Variants in DNAAF6 observed in about 807,000 individuals in gnomAD.
DNAAF6 encodes dynein axonemal assembly factor 6.
DNAAF6 carries 3 observed loss-of-function variants against 13.7 expected under a neutral mutation model. That is an observed-to-expected ratio of 0.22 (90% CI 0.10 to 0.56). DNAAF6 has a LOEUF of 0.56. Among genes scored for constraint, DNAAF6 ranks in the 20% least tolerant of loss-of-function variants. DNAAF6 has a pLI of 0.92. For synonymous variants in DNAAF6, 54 were observed against 49.2 expected, an observed-to-expected ratio of 1.10 and a Z score of -0.41; for missense variants, 130 against 151.0, an observed-to-expected ratio of 0.86 and a Z score of 0.73.
At chrX:107,222,176 T>C (rs1449767404) in intron 4 of DNAAF6, among the ~76,000 whole-genome samples, 3 of 111,238 alleles carry the variant, frequency 2.7e-5, no homozygotes, top group Non-Finnish European at 1.9e-5. Context: ...GTTTCTATTG[T>C]AGAATTTTAG....
At chrX:107,224,680 C>T (rs1448633554) in intron 5 of DNAAF6, among the ~76,000 whole-genome samples, 1 of 109,285 alleles carries the variant, frequency 9.2e-6, no homozygotes, top group Admixed American at 9.9e-5. Flanking sequence ...TAGTTAGATA[C>T]AATAAACACG....
intron 5 of DNAAF6, among the ~76,000 whole-genome samples, chrX:107,234,620 C>T (rs1928477147): frequency 8.9e-6 from 1 of 112,047 alleles, no homozygotes; most frequent in Non-Finnish European, 1.9e-5. Flanking sequence ...TGGAAATATT[C>T]TTATAATATC....
At chrX:107,242,220 C>CTTT (rs1439102425) in intron 6 of DNAAF6, among the ~76,000 whole-genome samples, 4 of 112,091 alleles carry the variant, frequency 3.6e-5, no homozygotes, top group Admixed American at 2.8e-4. Flanking sequence ...GTAATAAATA[C>CTTT]TTTTAATGAA....
chrX:107,243,675 C>CA lies in DNAAF6; in HGVS notation c.*380dup. The stretch of plus-strand genomic sequence containing the variant: ...ATCCCAGCTACTCTGTCTCAAAAAA[C>CA]AAACAAAAAAAGGAAATATGTTTTC... On this transcript the variant is annotated 3_prime_UTR_variant, in exon 7 of 7. Transcript: ENST00000372453. The CA allele has an allele frequency of 8.7e-6, 1 of 115,556 alleles. No homozygotes were observed. The allele number at this position is 115,556 out of a possible 1,213,427, so 9.5% of individuals were successfully genotyped here. A position where few individuals can be genotyped will look rare whatever the true frequency, so the allele number is the denominator to read the frequency against.
At chrX:107,227,612 A>G (rs894845597) in intron 5 of DNAAF6, among the ~76,000 whole-genome samples, 3 of 110,338 alleles carry the variant, frequency 2.7e-5, no homozygotes, top group Non-Finnish European at 3.8e-5. Context: ...TCCAGGCAGC[A>G]CAGTAAACCT....
At position 107,237,739 on chromosome X, in the gene DNAAF6, G is replaced by C. The variant is rs77616525; in HGVS notation, c.430-1183G>C. On this transcript the variant is annotated intron_variant, in intron 5 of 6. Transcript: ENST00000372453. ...TGGCTTACCCCTGTAATTCCAGCACGTTGGGAGGCTGAGGCGGGCAGATCA... is the reference window on the plus strand; with the variant it reads ...TGGCTTACCCCTGTAATTCCAGCACCTTGGGAGGCTGAGGCGGGCAGATCA... Among the ~76,000 whole-genome samples, 72 of 112,115 alleles carry C rather than the reference G, an allele frequency of 6.4e-4. 1 individual carries two copies. Among genetic ancestry groups the C allele is most frequent in the African/African-American group, 2.3e-3 (70 of 30,922 alleles).
At chrX:107,220,937 TTCTTTCTTTCTTTCTTTCTTTTTCTTTC>T (rs1928116094) in intron 4 of DNAAF6, among the ~76,000 whole-genome samples, 2 of 84,441 alleles carry the variant, frequency 2.4e-5, no homozygotes, top group African/African-American at 1.0e-4. Flanking sequence ...CTTTCTTTCT[TTCTTTCTTTCTTTCTTTCTTTTTCTTTC>T]TTTCTTTCTT....
At chrX:107,219,815 T>TA (rs1928081125) in intron 4 of DNAAF6, among the ~76,000 whole-genome samples, 1 of 109,522 alleles carries the variant, frequency 9.1e-6, no homozygotes, top group African/African-American at 3.3e-5. Context: ...TTTTTTTTTT[T>TA]AGACAGAGTC....
intron 2 of DNAAF6, among the ~76,000 whole-genome samples, chrX:107,213,672 G>T (rs1177490341): frequency 9.0e-6 from 1 of 111,211 alleles, no homozygotes; most frequent in African/African-American, 3.3e-5. Flanking sequence ...CCACTCCAAG[G>T]TTACTGCCAG....
In DNAAF6 at chrX:107,216,569, A is replaced by G. The variant is rs1460779626; in HGVS notation, c.154-102A>G. 6.1e-6 allele frequency: 3 copies of G among 494,780 alleles called. No individual in the cohort carries two copies. In the African/African-American group the frequency reaches 7.4e-5, roughly 12 times the overall value. 40.8% of individuals were successfully genotyped at this position (494,780 alleles called of 1,213,427 possible). ...ATGGGTAATTAAAGTGGAAAGCTCC[A>G]TGAGTTTTTTTATGGAAATCCTATC... On this transcript the variant is annotated intron_variant, in intron 2 of 6. Transcript: ENST00000372453.
At chrX:107,229,284 C>T (rs371322694) in intron 5 of DNAAF6, among the ~76,000 whole-genome samples, 4 of 106,806 alleles carry the variant, frequency 3.7e-5, no homozygotes, top group African/African-American at 1.0e-4. Context: ...ACAACAGGCA[C>T]GCGCCACTAC....
intron 1 of DNAAF6, among the ~76,000 whole-genome samples, chrX:107,210,660 C>T (rs962593509): frequency 1.4e-4 from 15 of 110,362 alleles, no homozygotes; most frequent in African/African-American, 4.9e-4. Flanking sequence ...CTCACGTGAC[C>T]CGTGAGCTCA....
At chrX:107,218,560 A>G (rs1008662260) in intron 3 of DNAAF6, among the ~76,000 whole-genome samples, 2 of 111,022 alleles carry the variant, frequency 1.8e-5, no homozygotes, top group East Asian at 5.6e-4. Flanking sequence ...GGAATGATAC[A>G]CAACAGAATA....
At chrX:107,214,258 T>C (rs758064509) in intron 2 of DNAAF6, among the ~76,000 whole-genome samples, 50 of 111,708 alleles carry the variant, frequency 4.5e-4, no homozygotes, top group Middle Eastern at 9.2e-3. Context: ...ATCAATGAAG[T>C]TGGGAAGGCA....
intron 3 of DNAAF6, 58 bp downstream of exon 3, chrX:107,216,801 T>G: frequency 1.2e-6 from 1 of 868,668 alleles, no homozygotes; most frequent in Non-Finnish European, 1.6e-6. Context: ...GTAGAGAAAT[T>G]ATAGGGAGAG....
chrX:107,217,553 A>T (rs1928022619), intron 3 of DNAAF6, among the ~76,000 whole-genome samples: 1 of 111,706 alleles, frequency 9.0e-6, no homozygotes, highest in African/African-American at 3.2e-5. Flanking sequence ...GTTTACTTAT[A>T]AAAAAAAGTC....
At chrX:107,240,298 T>C (rs1044839448) in intron 6 of DNAAF6, among the ~76,000 whole-genome samples, 11 of 112,044 alleles carry the variant, frequency 9.8e-5, no homozygotes, top group Non-Finnish European at 1.9e-4. Flanking sequence ...AGAGGTACCA[T>C]CTCAAGAAAA....
chrX:107,208,568 C>T (rs1340825377), intron 1 of DNAAF6, among the ~76,000 whole-genome samples: 3 of 105,965 alleles, frequency 2.8e-5, no homozygotes, highest in Non-Finnish European at 5.8e-5. Flanking sequence ...GACGGAGTCT[C>T]GCTCTGTCGC....
In DNAAF6 at chrX:107,218,936, A is replaced by G; in HGVS notation, c.299A>G (p.Tyr100Cys). 1 of 1,189,606 alleles carries G rather than the reference A, an allele frequency of 8.4e-7. No individual in the cohort carries two copies. The highest frequency in any genetic ancestry group is 1.8e-5 in the African/African-American group (1 of 56,363). Residue 100 changes from tyrosine (Y) to cysteine (C), a missense_variant, in exon 4 of 7, where the codon TAT becomes TGT. Transcript: ENST00000372453. ...GAAGAGATTCCAGAAGGAGCAGAAT[A>G]TGATGATATGTGGGATGTTAGAGAA... ...NSEEIPEGAE[Y>C]DDMWDVREIP...
Sources: allele counts gnomAD v4.1 joint callset (sites outside exome capture counted in the v4.1 genomes callset), GRCh38; gene constraint gnomAD v4.1.1; transcripts MANE v1.5; gene names NCBI Gene and HGNC (gene_info 2026-07-23, HGNC 2026-07-21).